Variants in PLCG2 observed in about 807,000 individuals in gnomAD.
PLCG2 encodes the protein phospholipase C gamma 2, also known as 1-phosphatidylinositol 4,5-bisphosphate phosphodiesterase gamma-2.
A neutral mutation model predicts 175.6 loss-of-function variants in PLCG2; 69 were observed. The ratio of observed to expected loss-of-function variants is 0.39; its 90% CI spans 0.32 to 0.48. PLCG2 has a LOEUF of 0.48. PLCG2 is among the 20% of genes least tolerant of loss of function. The probability of loss-of-function intolerance (pLI) is 0.91; values close to 1 mark genes in which losing one functional copy is unlikely to be tolerated. For synonymous variants in PLCG2, 827 were observed against 624.0 expected, an observed-to-expected ratio of 1.33 and a Z score of -4.85; for missense variants, 1,798 against 1,650.9, an observed-to-expected ratio of 1.09 and a Z score of -1.54.
intron 2 of PLCG2, among the ~76,000 whole-genome samples, chr16:81,824,031 TTCCTTTCCTTTCCTTTCCTGTCCTG>T (rs1180239403): frequency 0.011 from 584 of 55,296 alleles, 2 homozygotes; most frequent in African/African-American, 0.038. Context: ...TTCCTTTCCT[TTCCTTTCCTTTCCTTTCCTGTCCTG>T]TCCTGTCCTG....
chr16:81,813,397 A>C (rs1904403731), intron 2 of PLCG2, among the ~76,000 whole-genome samples: 1 of 152,112 alleles, frequency 6.6e-6, no homozygotes, highest in African/African-American at 2.4e-5. Context: ...ATCCCTTGTA[A>C]GTTGTATTCC....
chr16:81,933,418 C>T lies in PLCG2; in HGVS notation c.2740-1011C>T, dbSNP rs116135775. Among the ~76,000 whole-genome samples the T allele has an allele frequency of 3.3e-3, 504 of 152,266 alleles. 2 individuals are homozygous for T. The highest frequency in any genetic ancestry group is 0.012 in the African/African-American group (484 of 41,546). ...GTCCCTAAGTGCCCGCATTGTTACA[C>T]GGTCTGTAGCCACCTCATTGATGGC... On this transcript the variant is annotated intron_variant, in intron 25 of 32. Coordinates refer to ENST00000564138, the MANE Select transcript of PLCG2 (RefSeq NM_002661.5).
chr16:81,740,217 TA>T (rs1909559614), intron 1 of PLCG2: 1 of 151,050 alleles, frequency 6.6e-6, no homozygotes, highest in African/African-American at 2.4e-5. Context: ...ACGCAGGTAG[TA>T]AGGTTTACTT....
intron 2 of PLCG2, among the ~76,000 whole-genome samples, chr16:81,805,457 C>G (rs1332027634): frequency 6.7e-6 from 1 of 148,544 alleles, no homozygotes; most frequent in Admixed American, 6.7e-5. Context: ...AGAGATTGCA[C>G]CACTGCACTT....
intron 14 of PLCG2, among the ~76,000 whole-genome samples, chr16:81,903,647 A>T (rs932547008): frequency 6.6e-6 from 1 of 152,156 alleles, no homozygotes; most frequent in Non-Finnish European, 1.5e-5. Flanking sequence ...AGGCAGGATA[A>T]GGGGTGGAGG....
At chr16:81,880,872 T>C in intron 7 of PLCG2, 38 bp from the exon 8 acceptor site, 1 of 1,608,800 alleles carries the variant, frequency 6.2e-7, no homozygotes, top group Non-Finnish European at 8.5e-7. Context: ...AAGTGACTTG[T>C]CTAAGGTTCT....
intron 2 of PLCG2, among the ~76,000 whole-genome samples, chr16:81,825,007 C>T (rs996476772): frequency 1.3e-5 from 2 of 152,162 alleles, no homozygotes; most frequent in Non-Finnish European, 2.9e-5. Context: ...GGGCCACAAG[C>T]CAAGAAATGC....
chr16:81,912,044 G>A (rs1017862550), intron 18 of PLCG2, among the ~76,000 whole-genome samples: 2 of 151,968 alleles, frequency 1.3e-5, no homozygotes, highest in South Asian at 2.1e-4. Context: ...TGATCCACCC[G>A]CCTCAACCTC....
upstream of PLCG2, among the ~76,000 whole-genome samples, chr16:81,775,213 C>A (rs1427775454): frequency 1.3e-5 from 2 of 152,156 alleles, no homozygotes; most frequent in Non-Finnish European, 2.9e-5. Flanking sequence ...GCCCTGTACC[C>A]CTTATCTTTT....
chr16:81,914,398 G>A lies in PLCG2; in HGVS notation c.2054+1682G>A, dbSNP rs372517675. Among the ~76,000 whole-genome samples, 17 of 152,314 alleles carry A rather than the reference G, an allele frequency of 1.1e-4. No individual in the cohort carries two copies. The East Asian group carries it at 2.1e-3, about 19-fold the overall frequency. On this transcript the variant is annotated intron_variant, in intron 19 of 32. Coordinates refer to ENST00000564138, the MANE Select transcript of PLCG2 (RefSeq NM_002661.5). ...AAAGGATGGCCCCCTCCCTGAGCCA[G>A]GTGGCATGATTCTGACAGGCCATCT...
At chr16:81,880,804 T>C (rs1200226443) in intron 7 of PLCG2, 106 bp from the exon 8 acceptor site, 6 of 942,484 alleles carry the variant, frequency 6.4e-6, no homozygotes, top group Non-Finnish European at 1.0e-5. Context: ...TTAATGATCT[T>C]GTTGCATCTG....
intron 2 of PLCG2, among the ~76,000 whole-genome samples, chr16:81,813,351 C>T (rs1904401599): frequency 1.3e-5 from 2 of 152,166 alleles, no homozygotes; most frequent in Admixed American, 1.3e-4. Context: ...TTTCCTTGAG[C>T]AGTTGTTTGT....
rs761677228 is a variant in PLCG2 at position 81,962,619 on chromosome 16, CTGT to C, written c.*4626_*4628del. On this transcript the variant is annotated 3_prime_UTR_variant, in exon 33 of 33. Coordinates refer to ENST00000564138, the MANE Select transcript of PLCG2 (RefSeq NM_002661.5). ...AGTGAATGAGTCACACAGATGTTGG[CTGT>C]TGTTAATGTGAAAATTAAACAGCTG... is the stretch of plus-strand genomic sequence containing the variant. 64 of 223,262 alleles carry C rather than the reference CTGT, an allele frequency of 2.9e-4. No individual in the cohort carries two copies. Among genetic ancestry groups the C allele is most frequent in the Middle Eastern group, 1.4e-3 (1 of 722 alleles). The allele number at this position is 223,262 out of a possible 1,614,324, so 13.8% of individuals were successfully genotyped here.
At chr16:81,857,081 T>G (rs1184538890) in intron 3 of PLCG2, among the ~76,000 whole-genome samples, 2 of 136,482 alleles carry the variant, frequency 1.5e-5, no homozygotes, top group African/African-American at 5.0e-5. Flanking sequence ...AAATCTATAT[T>G]ACTTTAAGTC....
intron 2 of PLCG2, among the ~76,000 whole-genome samples, chr16:81,816,167 T>G (rs1904538733): frequency 6.6e-6 from 1 of 152,080 alleles, no homozygotes; most frequent in Non-Finnish European, 1.5e-5. Flanking sequence ...GGTCAGGAGT[T>G]CGAGACCAGC....
chr16:81,927,980 G>C (rs553950127), intron 23 of PLCG2, among the ~76,000 whole-genome samples: 1 of 151,950 alleles, frequency 6.6e-6, no homozygotes, highest in Admixed American at 6.6e-5. Flanking sequence ...GGTGCAGGGG[G>C]TGGGGTTTGG....
intron 2 of PLCG2, among the ~76,000 whole-genome samples, chr16:81,835,037 G>T (rs1905441839): frequency 1.3e-5 from 2 of 151,928 alleles, no homozygotes; most frequent in South Asian, 4.2e-4. Flanking sequence ...TTTTCTCAGT[G>T]GGAGGAGGTG....
chr16:81,835,770 G>T (rs141629566), intron 2 of PLCG2, among the ~76,000 whole-genome samples: 1 of 152,212 alleles, frequency 6.6e-6, no homozygotes, highest in Non-Finnish European at 1.5e-5. Context: ...GTGTTGGTAG[G>T]GCAGTGCTCC....
rs1434176597 is a variant in PLCG2 at position 81,794,774 on chromosome 16, A to G, written c.193+8592A>G. On this transcript the variant is annotated intron_variant, in intron 2 of 32. Transcript: ENST00000564138. ...TGTCATCATTATCATCATCCAGCAT[A>G]AAGGCAAGATGGCATTGTAGAAAGG... 2.0e-5 allele frequency among the ~76,000 whole-genome samples: 3 copies of G among 152,248 alleles called. No homozygotes were observed. The East Asian group carries it at 5.8e-4, about 29-fold the overall frequency.
Sources: gnomAD v4.1 joint callset for allele counts (sites outside exome capture counted in the v4.1 genomes callset) on GRCh38, gnomAD v4.1.1 for gene constraint, MANE v1.5 for transcripts, NCBI Gene and HGNC (gene_info 2026-07-23, HGNC 2026-07-21) for gene names.